FMN2: variants seen among roughly 807,000 people sequenced by gnomAD.
FMN2 encodes formin 2, also known as formin-2.
In FMN2, 51 loss-of-function variants were observed where a neutral mutation model predicts 142.3. That is an observed-to-expected ratio of 0.36 (90% CI 0.29 to 0.45). FMN2 has a LOEUF of 0.45. FMN2 is among the 20% of genes least tolerant of loss of function. FMN2 has a pLI of 1.00. For synonymous variants in FMN2, 882 were observed against 869.8 expected, an observed-to-expected ratio of 1.01 and a Z score of -0.25; for missense variants, 1,936 against 2,122.8, an observed-to-expected ratio of 0.91 and a Z score of 1.73.
At position 240,262,886 on chromosome 1, in the gene FMN2, G is replaced by T. The variant is rs544582386; in HGVS notation, c.4153+4854G>T. ...AGCAATTCTTATCCCTCAGCCCCCC[G>T]AGTAGCTGGGATTACAGCCACCTGC... On this transcript the variant is annotated intron_variant, in intron 7 of 17. Transcript: ENST00000319653. Among the ~76,000 whole-genome samples, 234 of 146,594 alleles carry T rather than the reference G, an allele frequency of 1.6e-3. 1 individual carries two copies. Among genetic ancestry groups the T allele is most frequent in the Non-Finnish European group, 3.0e-3 (199 of 67,304 alleles).
intron 4 of FMN2, among the ~76,000 whole-genome samples, chr1:240,202,194 G>A (rs187379179): frequency 1.3e-5 from 2 of 152,258 alleles, no homozygotes; most frequent in Admixed American, 6.5e-5. Context: ...TGGAGATTGC[G>A]AGAGCCAATC....
intron 13 of FMN2, among the ~76,000 whole-genome samples, chr1:240,337,810 T>C (rs1052702093): frequency 7.2e-5 from 11 of 152,184 alleles, no homozygotes; most frequent in African/African-American, 2.7e-4. Context: ...GACGACTGAA[T>C]CTCATTTTAG....
rs1238462685 is a variant in FMN2 at position 240,207,701 on chromosome 1, C to A, written c.2889C>A (p.Gly963=). ...CTCCGCCCCCTCTTCCCGGGGCAGG[C>A]ATACCCCTTCCTCCCCCTCTTCCCG... The part of the protein sequence containing the change: ...IPPPPPLPGA[G]IPLPPPLPGA... The change falls in exon 5 of 18, where the codon GGC becomes GGA. Residue 963 remains glycine, a synonymous_variant. Transcript: ENST00000319653. 94 of 1,411,600 alleles carry A rather than the reference C, an allele frequency of 6.7e-5. No individual in the cohort carries two copies. The highest frequency in any genetic ancestry group is 4.5e-4 in the East Asian group (18 of 39,924). The allele number at this position is 1,411,600 out of a possible 1,614,324, so 87.4% of individuals were successfully genotyped here. A position where few individuals can be genotyped will look rare whatever the true frequency, so the allele number is the denominator to read the frequency against.
intron 2 of FMN2, among the ~76,000 whole-genome samples, chr1:240,148,341 AAG>A (rs1392703545): frequency 1.7e-5 from 2 of 121,068 alleles, no homozygotes; most frequent in Non-Finnish European, 3.7e-5. Flanking sequence ...CAGACAGATA[AAG>A]AGAGAAAGAC....
chr1:240,400,536 G>T (rs1381608017), intron 15 of FMN2: 1 of 152,384 alleles, frequency 6.6e-6, no homozygotes. Context: ...CTGGTGTACT[G>T]TGGGCTTCCA....
rs796748639 is a variant in FMN2, at chr1:240,329,252, A to G, written c.4307+85A>G. ...TGGAAAATGCAAATGCGGTGTCTTC[A>G]GTGCATACTTGTTGTGAATGAGATG... is the stretch of plus-strand genomic sequence containing the variant. On this transcript the variant is annotated intron_variant, in intron 9 of 17. Transcript: ENST00000319653. The G allele has an allele frequency of 2.3e-5, 37 of 1,594,442 alleles. No individual in the cohort carries two copies. The African/African-American group carries it at 4.4e-4, about 19-fold the overall frequency.
intron 15 of FMN2, among the ~76,000 whole-genome samples, chr1:240,410,331 C>T (rs1251331536): frequency 6.6e-6 from 1 of 152,136 alleles, no homozygotes; most frequent in Non-Finnish European, 1.5e-5. Context: ...TTTGAAATTC[C>T]TCTCTGAGTG....
At chr1:240,298,783 G>C (rs1280471209) in intron 8 of FMN2, among the ~76,000 whole-genome samples, 1 of 152,076 alleles carries the variant, frequency 6.6e-6, no homozygotes, top group Admixed American at 6.5e-5. Flanking sequence ...CCACAAAACT[G>C]GTCCCTGGTG....
intron 7 of FMN2, among the ~76,000 whole-genome samples, chr1:240,264,669 A>C (rs943046948): frequency 6.6e-6 from 1 of 152,134 alleles, no homozygotes; most frequent in Non-Finnish European, 1.5e-5. Context: ...GCTGAGAATG[A>C]TGGTTTCCAG....
At chr1:240,352,360 T>C (rs1672123778) in intron 13 of FMN2, among the ~76,000 whole-genome samples, 2 of 152,086 alleles carry the variant, frequency 1.3e-5, no homozygotes, top group South Asian at 4.1e-4. Flanking sequence ...AGCAGGTGGA[T>C]CACCTGAGGT....
At chr1:240,274,181 A>G (rs112812559) in intron 7 of FMN2, among the ~76,000 whole-genome samples, 2,381 of 151,830 alleles carry the variant, frequency 0.016, 82 homozygotes, top group African/African-American at 0.055. Flanking sequence ...CTGTGTTCCC[A>G]TAGAAGAAAA....
At chr1:240,433,492 CA>C in intron 15 of FMN2, among the ~76,000 whole-genome samples, 1 of 152,296 alleles carries the variant, frequency 6.6e-6, no homozygotes, top group South Asian at 2.1e-4. Context: ...TTTTCCTGCA[CA>C]ATTTGAATTC....
chr1:240,361,179 A>ATATG (rs1457561400), intron 14 of FMN2, among the ~76,000 whole-genome samples: 4 of 105,992 alleles, frequency 3.8e-5, no homozygotes, highest in South Asian at 5.1e-4. Context: ...ATATATATAT[A>ATATG]TATATAAAAG....
At chr1:240,109,180 T>A (rs183102090) in intron 1 of FMN2, among the ~76,000 whole-genome samples, 4 of 152,348 alleles carry the variant, frequency 2.6e-5, no homozygotes, top group Admixed American at 2.6e-4. Context: ...GTACAAAACT[T>A]ACACTTAGCC....
At chr1:240,193,378 T>C (rs2103357177) in intron 4 of FMN2, among the ~76,000 whole-genome samples, 1 of 152,304 alleles carries the variant, frequency 6.6e-6, no homozygotes, top group East Asian at 1.9e-4. Context: ...TTCACGTACA[T>C]GAAATGATTT....
intron 16 of FMN2, chr1:240,472,082 A>G (rs945769692): frequency 3.2e-4 from 87 of 269,908 alleles, no homozygotes; most frequent in African/African-American, 1.9e-3. Context: ...GATTCCTTTT[A>G]TATAGGATGA....
intron 8 of FMN2, among the ~76,000 whole-genome samples, chr1:240,319,308 A>G (rs1033042092): frequency 6.6e-6 from 1 of 152,166 alleles, no homozygotes; most frequent in Non-Finnish European, 1.5e-5. Context: ...TACATTATGA[A>G]ATTGGAGAGA....
At chr1:240,186,866 A>G (rs1483134537) in intron 3 of FMN2, among the ~76,000 whole-genome samples, 1 of 152,128 alleles carries the variant, frequency 6.6e-6, no homozygotes, top group Non-Finnish European at 1.5e-5. Flanking sequence ...TTGTAGCTTA[A>G]CAGTATGTTA....
At chr1:240,233,100 G>T (rs1345690096) in intron 6 of FMN2, among the ~76,000 whole-genome samples, 2 of 152,170 alleles carry the variant, frequency 1.3e-5, no homozygotes, top group Admixed American at 1.3e-4. Context: ...GTGTATGATG[G>T]CCGGGCTTGG....
Sources: allele counts gnomAD v4.1 joint callset (sites outside exome capture counted in the v4.1 genomes callset), GRCh38; gene constraint gnomAD v4.1.1; transcripts MANE v1.5; gene names NCBI Gene and HGNC (gene_info 2026-07-23, HGNC 2026-07-21).